CNTNAP2: variants seen among roughly 807,000 people sequenced by gnomAD.
CNTNAP2 encodes contactin associated protein 2, also known as contactin-associated protein-like 2.
In CNTNAP2, 98 loss-of-function variants were observed where a neutral mutation model predicts 155.2. The observed-to-expected ratio is 0.63, with a 90% CI of 0.54 to 0.75. The LOEUF is 0.75. Ranked by LOEUF, CNTNAP2 falls within the 30% of genes least tolerant of loss-of-function variation. The pLI is 0.00. For missense variants in CNTNAP2, 1,727 were observed against 1,688.1 expected, an observed-to-expected ratio of 1.02 and a Z score of -0.40; for synonymous variants, 651 against 631.2, an observed-to-expected ratio of 1.03 and a Z score of -0.47.
intron 13 of CNTNAP2, among the ~76,000 whole-genome samples, chr7:147,814,126 G>C (rs1016781738): frequency 1.3e-5 from 2 of 151,960 alleles, no homozygotes; most frequent in African/African-American, 2.4e-5. Context: ...TGATATTTCA[G>C]TCCCCTCAGA....
At chr7:146,525,869 A>G (rs1483804726) in intron 1 of CNTNAP2, among the ~76,000 whole-genome samples, 2 of 152,092 alleles carry the variant, frequency 1.3e-5, no homozygotes, top group African/African-American at 4.8e-5. Flanking sequence ...ACCCATGATA[A>G]TGTTTGTCAT....
At chr7:147,824,803 A>G (rs1798422272) in intron 13 of CNTNAP2, among the ~76,000 whole-genome samples, 1 of 152,116 alleles carries the variant, frequency 6.6e-6, no homozygotes, top group African/African-American at 2.4e-5. Context: ...GTGGTCACAC[A>G]ATGCCTGAAA....
chr7:147,659,517 A>C (rs1171122670), intron 13 of CNTNAP2, among the ~76,000 whole-genome samples: 1 of 152,222 alleles, frequency 6.6e-6, no homozygotes, highest in Non-Finnish European at 1.5e-5. Flanking sequence ...CTTATTATCT[A>C]TCTGTGCATT....
At chr7:147,393,133 G>A (rs1796751164) in intron 9 of CNTNAP2, among the ~76,000 whole-genome samples, 1 of 152,016 alleles carries the variant, frequency 6.6e-6, no homozygotes, top group African/African-American at 2.4e-5. Context: ...ACAAAAGGGT[G>A]TGAAGTCAGG....
intron 13 of CNTNAP2, among the ~76,000 whole-genome samples, chr7:147,744,750 T>TG (rs1323500355): frequency 6.6e-6 from 1 of 152,158 alleles, no homozygotes; most frequent in East Asian, 1.9e-4. Context: ...GCCTTTCCTC[T>TG]GTGCACACCT....
intron 15 of CNTNAP2, among the ~76,000 whole-genome samples, chr7:148,113,884 A>C (rs1804407659): frequency 6.6e-6 from 1 of 152,178 alleles, no homozygotes; most frequent in Non-Finnish European, 1.5e-5. Context: ...TTATTCTGTT[A>C]CTGTTGACTG....
intron 8 of CNTNAP2, among the ~76,000 whole-genome samples, chr7:147,223,185 T>G (rs1803443932): frequency 6.6e-6 from 1 of 152,202 alleles, no homozygotes; most frequent in South Asian, 2.1e-4. Flanking sequence ...ATTTGTCAAT[T>G]ACAGTTCAAG....
At chr7:147,926,243 G>A (rs545593712) in intron 14 of CNTNAP2, among the ~76,000 whole-genome samples, 6 of 152,148 alleles carry the variant, frequency 3.9e-5, no homozygotes, top group East Asian at 1.9e-4. Context: ...CTCTCCCCAC[G>A]CCTCATCCTC....
chr7:147,370,915 T>G (rs2116914377), intron 9 of CNTNAP2, among the ~76,000 whole-genome samples: 1 of 152,308 alleles, frequency 6.6e-6, no homozygotes, highest in African/African-American at 2.4e-5. Context: ...TTACCAATTG[T>G]TACTTTAATA....
intron 3 of CNTNAP2, among the ~76,000 whole-genome samples, chr7:146,958,463 G>C (rs1797485866): frequency 7.4e-6 from 1 of 135,128 alleles, no homozygotes; most frequent in Admixed American, 8.0e-5. Context: ...GCCCAGGTTG[G>C]AGTGCAGTGG....
intron 13 of CNTNAP2, among the ~76,000 whole-genome samples, chr7:147,640,533 A>ATG (rs1212531923): frequency 6.6e-6 from 1 of 152,144 alleles, no homozygotes; most frequent in Admixed American, 6.5e-5. Context: ...TCAGAGACCA[A>ATG]TGGGCTGTTG....
At chr7:146,730,569 A>G (rs1370388625) in intron 1 of CNTNAP2, among the ~76,000 whole-genome samples, 2 of 152,022 alleles carry the variant, frequency 1.3e-5, no homozygotes, top group Non-Finnish European at 2.9e-5. Flanking sequence ...TACCTGATTC[A>G]TTTCTTATTT....
chr7:146,957,466 T>G (rs1797460771), intron 3 of CNTNAP2, among the ~76,000 whole-genome samples: 1 of 152,218 alleles, frequency 6.6e-6, no homozygotes, highest in African/African-American at 2.4e-5. Flanking sequence ...TCTGTGAGAA[T>G]GTATCCTAAA....
chr7:147,100,644 G>A (rs934442459), intron 4 of CNTNAP2, among the ~76,000 whole-genome samples: 37 of 152,178 alleles, frequency 2.4e-4, no homozygotes, highest in African/African-American at 8.7e-4. Flanking sequence ...ACTCATAGTT[G>A]TAAGAGTTGT....
At chr7:147,768,308 C>G (rs1797414409) in intron 13 of CNTNAP2, among the ~76,000 whole-genome samples, 1 of 152,052 alleles carries the variant, frequency 6.6e-6, no homozygotes, top group African/African-American at 2.4e-5. Context: ...GAGTTCAGAT[C>G]CTAAAATGAA....
intron 8 of CNTNAP2, among the ~76,000 whole-genome samples, chr7:147,203,547 T>C (rs758731750): frequency 5.9e-5 from 9 of 152,172 alleles, no homozygotes; most frequent in Non-Finnish European, 1.0e-4. Flanking sequence ...ATTTTAATTT[T>C]AATTGTCTAA....
At chr7:146,800,971 G>A (rs1802866449) in intron 2 of CNTNAP2, among the ~76,000 whole-genome samples, 1 of 152,092 alleles carries the variant, frequency 6.6e-6, no homozygotes, top group Admixed American at 6.5e-5. Flanking sequence ...AATAAGGAGA[G>A]TCTGAATTGA....
chr7:146,561,791 C>T (rs776304421), intron 1 of CNTNAP2, among the ~76,000 whole-genome samples: 7 of 151,964 alleles, frequency 4.6e-5, no homozygotes, highest in Non-Finnish European at 8.8e-5. Flanking sequence ...TTTTTGTTGT[C>T]GTTGTTTATT....
chr7:146,309,396 C>T lies in CNTNAP2; in HGVS notation c.97+192423C>T, dbSNP rs116833303. On this transcript the variant is annotated intron_variant, in intron 1 of 23. Coordinates refer to ENST00000361727, the MANE Select transcript of CNTNAP2 (RefSeq NM_014141.6). ...GCAGCACAGAGGTGCATTTTCTCAT[C>T]TGCAGTAAGGCATCTTAGCGGCCAG... Among the ~76,000 whole-genome samples, 753 of 152,242 alleles carry T rather than the reference C, an allele frequency of 4.9e-3. 8 individuals are homozygous for T. The highest frequency in any genetic ancestry group is 0.017 in the African/African-American group (724 of 41,532).
Sources: allele counts gnomAD v4.1 joint callset (sites outside exome capture counted in the v4.1 genomes callset), GRCh38; gene constraint gnomAD v4.1.1; transcripts MANE v1.5; gene names NCBI Gene and HGNC (gene_info 2026-07-23, HGNC 2026-07-21).